SFI1: variants seen among roughly 807,000 people sequenced by gnomAD.
SFI1 encodes the protein SFI1 centrin binding protein, also known as protein SFI1 homolog.
In SFI1, 195 loss-of-function variants were observed where a neutral mutation model predicts 207.5. The observed-to-expected ratio is 0.94, with a 90% CI of 0.84 to 1.06. The LOEUF (loss-of-function observed/expected upper bound fraction) is 1.06, where lower values mean the gene tolerates loss of function less well. Among genes scored for constraint, SFI1 ranks in the 50% least tolerant of loss-of-function variants. The pLI, the probability that SFI1 is intolerant of heterozygous loss-of-function variation, is 0.00. For synonymous variants in SFI1, 630 were observed against 598.9 expected (o/e 1.05, Z -0.76); for missense variants, 1,634 against 1,588.0 (o/e 1.03, Z -0.49).
At chr22:31,525,040 T>C (rs965865912) in intron 2 of SFI1, among the ~76,000 whole-genome samples, 2 of 152,088 alleles carry the variant, frequency 1.3e-5, no homozygotes, top group African/African-American at 4.8e-5. Context: ...GTGATCTGAC[T>C]GCCTTGGCCT....
upstream of SFI1, chr22:31,496,305 G>C (rs567956451): frequency 6.6e-6 from 1 of 152,426 alleles, no homozygotes; most frequent in African/African-American, 2.4e-5. Flanking sequence ...AAGCTGGCGA[G>C]CCAAGGAGAT....
At chr22:31,500,848 G>GA in intron 1 of SFI1, among the ~76,000 whole-genome samples, 1 of 151,074 alleles carries the variant, frequency 6.6e-6, no homozygotes, top group Non-Finnish European at 1.5e-5. Flanking sequence ...CACCCAGGCT[G>GA]GAATGCAATG....
intron 15 of SFI1, 130 bp downstream of exon 15, chr22:31,589,707 A>T: frequency 1.1e-6 from 1 of 871,770 alleles, no homozygotes; most frequent in Non-Finnish European, 1.7e-6. Flanking sequence ...ATTTTCAGTA[A>T]TGTGGGCTCA....
In SFI1 at chr22:31,573,102, G is replaced by T; in HGVS notation, c.810G>T (p.Glu270Asp). 6.2e-7 allele frequency: 1 copy of T among 1,613,870 alleles called. No individual in the cohort carries two copies. The highest frequency in any genetic ancestry group is 8.5e-7 in the Non-Finnish European group (1 of 1,180,006). The change falls in exon 9 of 33, where the codon GAG becomes GAT. Residue 270 changes from glutamate (E) to aspartate (D), a missense_variant. Glu to Asp is a conservative substitution (Grantham distance 45). Coordinates refer to ENST00000400288, the MANE Select transcript of SFI1 (RefSeq NM_001007467.3). ...AACAGCTCCTGTATGTCCAGAAGGAGAAACAAAAGGTTGTCTCTGCAGTGA... is the reference window on the plus strand; with the variant it reads ...AACAGCTCCTGTATGTCCAGAAGGATAAACAAAAGGTTGTCTCTGCAGTGA... ...WREQLLYVQK[E>D]KQKVVSAVKH...
rs189598160 is a variant in SFI1 at position 31,613,469 on chromosome 22, T to A, written c.2681T>A (p.Leu894Gln). The A allele has an allele frequency of 6.2e-7, 1 of 1,602,374 alleles. No homozygotes were observed. Among genetic ancestry groups the A allele is most frequent in the Non-Finnish European group, 8.5e-7 (1 of 1,178,200 alleles). Residue 894 changes from leucine (L) to glutamine (Q), a missense_variant, in exon 26 of 33, where the codon CTG (leucine) becomes CAG (glutamine). Leu to Gln is a moderately radical substitution (Grantham distance 113). Transcript: ENST00000400288. ...QLLQEGATRL[L>Q]RFAASMKASR... Reference sequence around the variant, plus strand: ...CTCCAGGAGGGTGCCACGCGGCTCCTGCGCTTTGCAGCCAGCATGAAGGCC... The same window carrying A: ...CTCCAGGAGGGTGCCACGCGGCTCCAGCGCTTTGCAGCCAGCATGAAGGCC...
At chr22:31,557,389 A>T (rs1467060910) in intron 7 of SFI1, among the ~76,000 whole-genome samples, 1 of 149,260 alleles carries the variant, frequency 6.7e-6, no homozygotes, top group Non-Finnish European at 1.5e-5. Context: ...AGGTTTTATC[A>T]TGTTTCCCAG....
chr22:31,575,074 A>C (rs993509057), intron 9 of SFI1, among the ~76,000 whole-genome samples, 157 bp from the exon 10 acceptor site: 5 of 131,406 alleles, frequency 3.8e-5, no homozygotes, highest in East Asian at 2.3e-4. Flanking sequence ...AAAAAAAAAA[A>C]AAACTTAGTG....
At chr22:31,530,450 A>G in intron 3 of SFI1, 2 of 271,336 alleles carry the variant, frequency 7.4e-6, no homozygotes, top group South Asian at 6.0e-5. Context: ...ACATTGGGCC[A>G]CTGTACTCTA....
Position 31,618,339 on chromosome 22 carries a change from C to T in SFI1, c.3650C>T (p.Ala1217Val), listed in dbSNP as rs1325349087. Residue 1217 changes from alanine (A) to valine (V), a missense_variant, in exon 33 of 33, where the codon GCA (alanine) becomes GTA (valine). Transcript: ENST00000400288. ...GTGGAAATGCAGATCCAGCTGCTGG[C>T]AGAGGAGCTCCAGGCTCAGCGCCAG... is the stretch of plus-strand genomic sequence containing the variant. ...EQVEMQIQLL[A>V]EELQAQRQPI... is the part of the protein sequence containing the mutation. The T allele has an allele frequency of 2.5e-6, 4 of 1,609,808 alleles. No individual in the cohort carries two copies. The highest frequency in any genetic ancestry group is 3.4e-6 in the Non-Finnish European group (4 of 1,177,490).
At chr22:31,560,314 G>A (rs1288313061) in intron 7 of SFI1, among the ~76,000 whole-genome samples, 1 of 151,054 alleles carries the variant, frequency 6.6e-6, no homozygotes, top group Non-Finnish European at 1.5e-5. Flanking sequence ...GGAAAGAAAA[G>A]GATACATACA....
At chr22:31,542,101 TAAA>T (rs10651316) in intron 4 of SFI1, among the ~76,000 whole-genome samples, 2 of 114,434 alleles carry the variant, frequency 1.7e-5, no homozygotes, top group Non-Finnish European at 1.7e-5. Flanking sequence ...ACCCCGTCTT[TAAA>T]AAAAAAAAAA....
intron 8 of SFI1, among the ~76,000 whole-genome samples, chr22:31,568,161 A>G (rs866027559): frequency 3.3e-5 from 4 of 119,496 alleles, no homozygotes; most frequent in Admixed American, 9.0e-5. Flanking sequence ...CTCTCTATAT[A>G]TATATGTGTG....
At chr22:31,558,933 C>T (rs1439655057) in intron 7 of SFI1, among the ~76,000 whole-genome samples, 1 of 152,142 alleles carries the variant, frequency 6.6e-6, no homozygotes, top group East Asian at 1.9e-4. Context: ...TCTCCTGCCT[C>T]AGCCTCCCAA....
At chr22:31,568,208 G>A (rs1317840608) in intron 8 of SFI1, among the ~76,000 whole-genome samples, 3 of 123,540 alleles carry the variant, frequency 2.4e-5, no homozygotes, top group African/African-American at 8.5e-5. Flanking sequence ...GTGTGTGTGT[G>A]TGTATATATA....
At chr22:31,545,254 A>C (rs8142821) in intron 4 of SFI1, among the ~76,000 whole-genome samples, 7,077 of 152,216 alleles carry the variant, frequency 0.046, 145 homozygotes, top group African/African-American at 0.056. Context: ...TAATCCCGCT[A>C]CTCAGGAGGC....
At chr22:31,512,297 G>A (rs2055703290) in intron 2 of SFI1, among the ~76,000 whole-genome samples, 1 of 150,452 alleles carries the variant, frequency 6.6e-6, no homozygotes, top group Non-Finnish European at 1.5e-5. Context: ...GGAGGTTGCG[G>A]TAAGCTGAGA....
intron 8 of SFI1, chr22:31,572,817 G>C (rs2063090878): frequency 2.8e-6 from 1 of 356,578 alleles, no homozygotes; most frequent in Non-Finnish European, 5.2e-6. Flanking sequence ...CTTTCTGCTT[G>C]TTGATTTTAT....
At chr22:31,573,264 C>A (rs754004121) in intron 9 of SFI1, 50 bp downstream of exon 9, 1 of 1,576,906 alleles carries the variant, frequency 6.3e-7, no homozygotes, top group East Asian at 2.2e-5. Flanking sequence ...GTCACAGTTT[C>A]ACTCTCCTGC....
chr22:31,561,199 G>A, intron 7 of SFI1, 91 bp from the exon 8 acceptor site: 1 of 1,027,134 alleles, frequency 9.7e-7, no homozygotes, highest in Non-Finnish European at 1.5e-6. Context: ...GAGGACTAGA[G>A]CTGAGGGTCT....
Sources: allele counts gnomAD v4.1 joint callset (sites outside exome capture counted in the v4.1 genomes callset), GRCh38; gene constraint gnomAD v4.1.1; transcripts MANE v1.5; gene names NCBI Gene and HGNC (gene_info 2026-07-23, HGNC 2026-07-21).